Variants in CAST observed in about 807,000 individuals in gnomAD.
CAST encodes calpastatin, also known as MIR583 host.
A neutral mutation model predicts 119.6 loss-of-function variants in CAST; 76 were observed. That is an observed-to-expected ratio of 0.64 (90% CI 0.53 to 0.77). The LOEUF (loss-of-function observed/expected upper bound fraction) is 0.77, where lower values mean the gene tolerates loss of function less well. Ranked by LOEUF, CAST falls within the 30% of genes least tolerant of loss-of-function variation. The pLI, the probability that CAST is intolerant of heterozygous loss-of-function variation, is 0.00. For missense variants in CAST, 953 were observed against 946.5 expected, an observed-to-expected ratio of 1.01 and a Z score of -0.09; for synonymous variants, 319 against 331.6, an observed-to-expected ratio of 0.96 and a Z score of 0.41.
rs564872738 is a variant in CAST at position 96,667,752 on chromosome 5, C to A, written c.75+5255C>A. ...AATGAGGCTGGGTGCGGTTGGCTCA[C>A]GCCTGTAATCCCAGCACTTTGGGAG... On this transcript the variant is annotated intron_variant, in intron 1 of 31. Transcript: ENST00000675179. Among the ~76,000 whole-genome samples the A allele has an allele frequency of 2.9e-4, 44 of 152,252 alleles. 1 individual carries two copies.
At chr5:96,218,287 T>G in the CAST span, among the ~76,000 whole-genome samples, 1 of 152,212 alleles carries the variant, frequency 6.6e-6, no homozygotes. Context: ...TATTTTCAGT[T>G]GATTGTTGTA....
chr5:96,155,402 T>C, the CAST span, among the ~76,000 whole-genome samples: 2 of 152,172 alleles, frequency 1.3e-5, no homozygotes, highest in Non-Finnish European at 2.9e-5. Flanking sequence ...TCATAACAAA[T>C]TCAGCCTGAA....
the CAST span, among the ~76,000 whole-genome samples, chr5:96,141,920 G>GT: frequency 6.6e-6 from 1 of 152,182 alleles, no homozygotes; most frequent in African/African-American, 2.4e-5. Flanking sequence ...CAGCTTACAA[G>GT]TTTTTTCTTT....
chr5:96,692,810 C>T (rs1304023763), intron 2 of CAST, among the ~76,000 whole-genome samples: 1 of 152,208 alleles, frequency 6.6e-6, no homozygotes, highest in Non-Finnish European at 1.5e-5. Context: ...TACTTAAAGG[C>T]TGAGTCTTTC....
At chr5:96,301,313 A>G in the CAST span, among the ~76,000 whole-genome samples, 1 of 152,108 alleles carries the variant, frequency 6.6e-6, no homozygotes, top group Admixed American at 6.5e-5. Context: ...CTCCTCCAAC[A>G]TTGAGGATTA....
chr5:96,256,458 T>C, the CAST span, among the ~76,000 whole-genome samples: 1 of 150,860 alleles, frequency 6.6e-6, no homozygotes, highest in Non-Finnish European at 1.5e-5. Flanking sequence ...GGCAATTTTG[T>C]CATTGTGCTA....
At chr5:96,568,349 G>C (rs552179475) in intron 1 of CAST, among the ~76,000 whole-genome samples, 1 of 152,216 alleles carries the variant, frequency 6.6e-6, no homozygotes, top group Admixed American at 6.5e-5. Flanking sequence ...CAGATCACTT[G>C]AGGTCAGGAG....
chr5:96,266,727 C>T, the CAST span, among the ~76,000 whole-genome samples: 1 of 152,134 alleles, frequency 6.6e-6, no homozygotes, highest in Non-Finnish European at 1.5e-5. Context: ...AGACAGAAGA[C>T]TGAAATACAT....
the CAST span, among the ~76,000 whole-genome samples, chr5:96,286,333 G>A: frequency 3.9e-5 from 6 of 152,240 alleles, no homozygotes; most frequent in East Asian, 1.9e-4. Context: ...GCCTATTAGC[G>A]GAGACAAGAT....
chr5:96,138,685 T>C, the CAST span, among the ~76,000 whole-genome samples: 1 of 152,016 alleles, frequency 6.6e-6, no homozygotes, highest in Non-Finnish European at 1.5e-5. Flanking sequence ...ATTTTGTATA[T>C]ATACATAAGT....
chr5:96,652,450 G>A (rs2150205230), intron 1 of CAST, among the ~76,000 whole-genome samples: 1 of 152,214 alleles, frequency 6.6e-6, no homozygotes, highest in Non-Finnish European at 1.5e-5. Flanking sequence ...AAACTCTGGA[G>A]GAGGAACATA....
At chr5:96,198,331 A>G in the CAST span, among the ~76,000 whole-genome samples, 7,090 of 152,222 alleles carry the variant, frequency 0.047, 233 homozygotes, top group Non-Finnish European at 0.075. Flanking sequence ...ATTAAAAGAA[A>G]TATGCCCTTT....
At chr5:96,185,536 G>A in the CAST span, among the ~76,000 whole-genome samples, 1 of 152,208 alleles carries the variant, frequency 6.6e-6, no homozygotes, top group South Asian at 2.1e-4. Flanking sequence ...TATGGCATAA[G>A]GAAGGGGTCC....
At chr5:96,262,229 T>C in the CAST span, among the ~76,000 whole-genome samples, 1,084 of 152,292 alleles carry the variant, frequency 7.1e-3, 13 homozygotes, top group African/African-American at 0.025. Flanking sequence ...AGAGAACGTG[T>C]GGTGGCCCAG....
At chr5:96,394,583 A>C in the CAST span, among the ~76,000 whole-genome samples, 2 of 152,150 alleles carry the variant, frequency 1.3e-5, no homozygotes, top group African/African-American at 4.8e-5. Context: ...CATAAAGATA[A>C]CTTTTTTTTC....
intron 3 of CAST, among the ~76,000 whole-genome samples, chr5:96,699,138 G>C (rs986652771): frequency 2.6e-5 from 4 of 152,140 alleles, no homozygotes; most frequent in Non-Finnish European, 5.9e-5. Context: ...TGAAGATGAG[G>C]CTGCGGAAAT....
the CAST span, among the ~76,000 whole-genome samples, chr5:96,206,737 T>G: frequency 6.6e-6 from 1 of 152,152 alleles, no homozygotes; most frequent in Non-Finnish European, 1.5e-5. Flanking sequence ...ACAGATAATG[T>G]GATGCCTCCG....
At chr5:96,161,893 T>C in the CAST span, among the ~76,000 whole-genome samples, 1 of 152,228 alleles carries the variant, frequency 6.6e-6, no homozygotes, top group South Asian at 2.1e-4. Flanking sequence ...TAGAATTGTT[T>C]TCTTAATTTT....
chr5:96,162,361 C>T, the CAST span, among the ~76,000 whole-genome samples: 38 of 152,190 alleles, frequency 2.5e-4, no homozygotes, highest in Admixed American at 5.9e-4. Flanking sequence ...ACATTTATTG[C>T]GATGATCATG....
Sources: allele counts gnomAD v4.1 joint callset (sites outside exome capture counted in the v4.1 genomes callset), GRCh38; gene constraint gnomAD v4.1.1; transcripts MANE v1.5; gene names NCBI Gene and HGNC (gene_info 2026-07-23, HGNC 2026-07-21).